The following WWOX variants were observed in gnomAD, a reference collection of about 807,000 sequenced individuals.
WWOX encodes WW domain-containing oxidoreductase.
WWOX carries 69 observed loss-of-function variants against 46.2 expected under a neutral mutation model. The ratio of observed to expected loss-of-function variants is 1.49; its 90% CI spans 1.23 to 1.82. The LOEUF (loss-of-function observed/expected upper bound fraction) is 1.82, where lower values mean the gene tolerates loss of function less well. WWOX is among the 40% of genes most tolerant of loss of function. The pLI is 0.00. For synonymous variants in WWOX, 359 were observed against 202.6 expected (o/e 1.77, Z -6.56); for missense variants, 919 against 542.6 (o/e 1.69, Z -6.89).
intron 8 of WWOX, among the ~76,000 whole-genome samples, chr16:78,807,200 C>T (rs182565613): frequency 9.9e-5 from 15 of 152,160 alleles, no homozygotes; most frequent in African/African-American, 3.1e-4. Context: ...CTGAGTACAT[C>T]CTTGCTGTTT....
At chr16:78,124,961 G>A (rs749860865) in intron 4 of WWOX, among the ~76,000 whole-genome samples, 1 of 152,062 alleles carries the variant, frequency 6.6e-6, no homozygotes, top group Non-Finnish European at 1.5e-5. Flanking sequence ...CCAGATGAAC[G>A]GAGCTAAGCC....
chr16:79,132,350 C>T (rs80009925), intron 8 of WWOX, among the ~76,000 whole-genome samples: 2,112 of 152,198 alleles, frequency 0.014, 123 homozygotes, highest in Admixed American at 0.11. Context: ...TTGGGACTTC[C>T]GGTTGGTGGA....
At chr16:78,624,805 T>C (rs981041916) in intron 8 of WWOX, among the ~76,000 whole-genome samples, 1 of 152,246 alleles carries the variant, frequency 6.6e-6, no homozygotes, top group African/African-American at 2.4e-5. Context: ...TATTATTCCC[T>C]GTACGATTTC....
chr16:78,361,110 A>C (rs1431533758), intron 5 of WWOX, among the ~76,000 whole-genome samples: 2 of 152,194 alleles, frequency 1.3e-5, no homozygotes, highest in Admixed American at 1.3e-4. Context: ...GGCATGAGCC[A>C]CTGCACCTGG....
intron 5 of WWOX, among the ~76,000 whole-genome samples, chr16:78,178,842 C>T (rs949814696): frequency 1.0e-4 from 15 of 146,392 alleles, no homozygotes; most frequent in Non-Finnish European, 1.6e-4. Flanking sequence ...CCAGCCTGGG[C>T]GACAGAGCGA....
intron 5 of WWOX, among the ~76,000 whole-genome samples, chr16:78,204,611 A>C (rs1368738940): frequency 2.6e-5 from 4 of 152,080 alleles, no homozygotes; most frequent in Admixed American, 1.3e-4. Flanking sequence ...CATTTCTGTG[A>C]GTTCAGTTGT....
At chr16:79,205,964 G>A (rs1352814539) in intron 8 of WWOX, 1 of 152,160 alleles carries the variant, frequency 6.6e-6, no homozygotes, top group Non-Finnish European at 1.5e-5. Flanking sequence ...CAAAGAGTAG[G>A]TTTCTTAGTT....
At chr16:78,999,125 G>A (rs947369627) in intron 8 of WWOX, among the ~76,000 whole-genome samples, 17 of 151,908 alleles carry the variant, frequency 1.1e-4, no homozygotes, top group Admixed American at 2.0e-4. Flanking sequence ...AGAACCCAGC[G>A]CCAGTGGCTG....
chr16:79,002,288 A>T (rs1400038968), intron 8 of WWOX, among the ~76,000 whole-genome samples: 1 of 119,446 alleles, frequency 8.4e-6, no homozygotes, highest in African/African-American at 3.3e-5. Context: ...CAATGGCGTG[A>T]TCTCAGCTCA....
chr16:78,524,223 T>C (rs1182973485), intron 8 of WWOX, among the ~76,000 whole-genome samples: 4 of 152,184 alleles, frequency 2.6e-5, no homozygotes, highest in African/African-American at 4.8e-5. Context: ...ATTGTTAGTT[T>C]CTAAAGGCAC....
At chr16:78,329,618 A>G (rs1202734790) in intron 5 of WWOX, among the ~76,000 whole-genome samples, 2 of 152,184 alleles carry the variant, frequency 1.3e-5, no homozygotes, top group Non-Finnish European at 2.9e-5. Context: ...AAAATATAGC[A>G]GTTTCCTGCA....
At chr16:78,773,143 C>G (rs1483531804) in intron 8 of WWOX, among the ~76,000 whole-genome samples, 1 of 152,182 alleles carries the variant, frequency 6.6e-6, no homozygotes, top group Non-Finnish European at 1.5e-5. Context: ...GGGCAGGGGA[C>G]TTTGACGATT....
intron 5 of WWOX, among the ~76,000 whole-genome samples, chr16:78,235,505 G>C (rs1295899628): frequency 6.6e-6 from 1 of 152,168 alleles, no homozygotes; most frequent in African/African-American, 2.4e-5. Context: ...CCTCCGGACC[G>C]GGTCTGGAGT....
chr16:79,059,560 G>A (rs750040910), intron 8 of WWOX, among the ~76,000 whole-genome samples: 5 of 152,048 alleles, frequency 3.3e-5, no homozygotes, highest in Non-Finnish European at 5.9e-5. Context: ...GCGCGATCTC[G>A]GCTCACTGCA....
At chr16:79,026,161 T>C (rs764342702) in intron 8 of WWOX, among the ~76,000 whole-genome samples, 34 of 151,624 alleles carry the variant, frequency 2.2e-4, no homozygotes, top group South Asian at 4.2e-4. Context: ...CTTCTTTAAG[T>C]TTCCTCACTC....
At chr16:79,021,911 C>T (rs2047541498) in intron 8 of WWOX, among the ~76,000 whole-genome samples, 1 of 152,202 alleles carries the variant, frequency 6.6e-6, no homozygotes, top group Admixed American at 6.5e-5. Flanking sequence ...CTGGGACCAA[C>T]ACCAGCAACT....
At chr16:78,376,694 G>C (rs73569009) in intron 5 of WWOX, among the ~76,000 whole-genome samples, 1 of 152,128 alleles carries the variant, frequency 6.6e-6, no homozygotes, top group African/African-American at 2.4e-5. Flanking sequence ...CTGGATGCCA[G>C]TTCACTTTCC....
intron 8 of WWOX, among the ~76,000 whole-genome samples, chr16:78,853,541 GCT>G (rs2151182887): frequency 6.6e-6 from 1 of 152,270 alleles, no homozygotes; most frequent in Non-Finnish European, 1.5e-5. Context: ...CCCCCTCACT[GCT>G]CTCCATTACT....
At chr16:78,140,517 AC>A (rs931517409) in intron 4 of WWOX, among the ~76,000 whole-genome samples, 4 of 151,920 alleles carry the variant, frequency 2.6e-5, no homozygotes, top group Non-Finnish European at 4.4e-5. Flanking sequence ...GTAGGGAAGG[AC>A]CCTTCCTTGC....
Sources: gnomAD v4.1 joint callset for allele counts (sites outside exome capture counted in the v4.1 genomes callset) on GRCh38, gnomAD v4.1.1 for gene constraint, MANE v1.5 for transcripts, NCBI Gene and HGNC (gene_info 2026-07-23, HGNC 2026-07-21) for gene names.